The following RARS1 variants were observed in gnomAD, a reference collection of about 807,000 sequenced individuals.
RARS1 encodes the protein arginyl-tRNA synthetase 1.
Under a neutral mutation model 78.7 loss-of-function variants are expected in RARS1, and 75 were observed. That is an observed-to-expected ratio of 0.95 (90% confidence interval 0.79 to 1.15). The LOEUF (loss-of-function observed/expected upper bound fraction) is 1.15. Among genes scored for constraint, RARS1 ranks in the 50% most tolerant of loss-of-function variants. The probability of loss-of-function intolerance (pLI) is 0.00; values close to 1 mark genes in which losing one functional copy is unlikely to be tolerated. For missense variants in RARS1, 787 were observed against 787.5 expected, an observed-to-expected ratio of 1.00 and a Z score of 0.01; for synonymous variants, 273 against 268.2, an observed-to-expected ratio of 1.02 and a Z score of -0.18.
intron 2 of RARS1, among the ~76,000 whole-genome samples, chr5:168,489,812 CTTTTTTTT>C (rs35560247): frequency 7.7e-6 from 1 of 130,320 alleles, no homozygotes; most frequent in Non-Finnish European, 1.6e-5. Flanking sequence ...CTCATATTAT[CTTTTTTTT>C]TTTTTTTTTT....
chr5:168,513,998 C>T (rs1283200865), intron 12 of RARS1, among the ~76,000 whole-genome samples: 1 of 152,128 alleles, frequency 6.6e-6, no homozygotes, highest in Non-Finnish European at 1.5e-5. Flanking sequence ...CTGGAGAGGA[C>T]CAGTGGGGCT....
At chr5:168,504,308 G>A (rs1163859729) in intron 9 of RARS1, among the ~76,000 whole-genome samples, 2 of 151,920 alleles carry the variant, frequency 1.3e-5, no homozygotes, top group African/African-American at 2.4e-5. Context: ...AGCGAATCAC[G>A]AGGACAGGAG....
intron 5 of RARS1, 152 bp downstream of exon 5, chr5:168,494,802 G>GCA: frequency 1.7e-6 from 1 of 580,274 alleles, no homozygotes; most frequent in Non-Finnish European, 3.0e-6. Flanking sequence ...TGCTGTGATC[G>GCA]CACCTGTGAA....
intron 12 of RARS1, among the ~76,000 whole-genome samples, chr5:168,511,320 C>T (rs1195838078): frequency 3.3e-5 from 5 of 151,380 alleles, no homozygotes; most frequent in Non-Finnish European, 5.9e-5. Flanking sequence ...ATGGCACCAA[C>T]ATCAGTTGGC....
At chr5:168,509,962 C>A (rs1758534100) in intron 11 of RARS1, among the ~76,000 whole-genome samples, 1 of 152,088 alleles carries the variant, frequency 6.6e-6, no homozygotes, top group South Asian at 2.1e-4. Flanking sequence ...CAGAGCAAGA[C>A]CCTGTCTCTA....
chr5:168,517,026 T>C (rs1758679646), intron 13 of RARS1, 76 bp downstream of exon 13: 4 of 1,483,036 alleles, frequency 2.7e-6, no homozygotes, highest in Admixed American at 2.0e-5. Flanking sequence ...TTTTCTTTTT[T>C]TTTTTTTGAA....
At position 168,506,036 on chromosome 5, in the gene RARS1, A is replaced by G. The variant is rs769419348; in HGVS notation, c.1073A>G (p.Asp358Gly). ...TACCCCCTAGGATTTGTGCAGGTGG[A>G]TGATGGCAGAAAGATTGTATTTGTC... is the stretch of plus-strand genomic sequence containing the variant. ...EFEDRGFVQV[D>G]DGRKIVFVPG... is the part of the protein sequence containing the mutation. The change falls in exon 10 of 15, where the codon GAT (aspartate) becomes GGT (glycine). Residue 358 changes from aspartate to glycine, a missense_variant. Transcript: ENST00000231572. The G allele has an allele frequency of 6.2e-7, 1 of 1,602,874 alleles. No homozygotes were observed. Among genetic ancestry groups the G allele is most frequent in the Non-Finnish European group, 8.5e-7 (1 of 1,176,130 alleles).
chr5:168,491,483 CA>C (rs1310905589), intron 2 of RARS1, among the ~76,000 whole-genome samples: 1 of 152,088 alleles, frequency 6.6e-6, no homozygotes, highest in African/African-American at 2.4e-5. Context: ...AGAGAGGAGT[CA>C]ATTATTGATT....
intron 4 of RARS1, 55 bp downstream of exon 4, chr5:168,494,057 A>C: frequency 6.8e-7 from 1 of 1,467,526 alleles, no homozygotes; most frequent in Non-Finnish European, 9.4e-7. Context: ...GTCCTTTTTG[A>C]AGTTAAAAAA....
chr5:168,487,828 A>G (rs906342571), intron 1 of RARS1, among the ~76,000 whole-genome samples: 1 of 152,212 alleles, frequency 6.6e-6, no homozygotes, highest in Non-Finnish European at 1.5e-5. Context: ...TCTAGGACCT[A>G]AGACACTGGA....
chr5:168,493,477 C>T (rs575536089), intron 3 of RARS1, among the ~76,000 whole-genome samples: 10 of 151,918 alleles, frequency 6.6e-5, no homozygotes, highest in African/African-American at 2.4e-4. Context: ...TAACTGTAGA[C>T]TTTGTTATGT....
chr5:168,507,687 G>C (rs1014918600), intron 11 of RARS1, among the ~76,000 whole-genome samples: 8 of 152,112 alleles, frequency 5.3e-5, no homozygotes, highest in Non-Finnish European at 4.4e-5. Context: ...GACCTTGTTG[G>C]GAACAACATT....
chr5:168,504,521 CA>C (rs60401511), intron 9 of RARS1, among the ~76,000 whole-genome samples: 17,662 of 100,930 alleles, frequency 0.17, 1,352 homozygotes, highest in Non-Finnish European at 0.24. Context: ...GATTCTGTCT[CA>C]AAAAAAAAAA....
intron 1 of RARS1, among the ~76,000 whole-genome samples, 158 bp downstream of exon 1, chr5:168,486,701 G>C (rs1011195976): frequency 2.6e-5 from 4 of 152,134 alleles, no homozygotes; most frequent in African/African-American, 9.7e-5. Context: ...AGGGTTGAGA[G>C]AGGAAGCACC....
intron 12 of RARS1, among the ~76,000 whole-genome samples, chr5:168,512,509 A>G (rs1470533532): frequency 6.6e-6 from 1 of 152,196 alleles, no homozygotes; most frequent in African/African-American, 2.4e-5. Flanking sequence ...CTAGAGGGAC[A>G]GAACTAATAG....
intron 14 of RARS1, 36 bp downstream of exon 14, chr5:168,518,098 TGA>T: frequency 7.3e-7 from 1 of 1,377,172 alleles, no homozygotes; most frequent in Non-Finnish European, 9.4e-7. Context: ...TTTTTTTTAG[TGA>T]GAGACACGGA....
intron 11 of RARS1, among the ~76,000 whole-genome samples, chr5:168,507,877 CAAA>C (rs1195791208): frequency 3.1e-5 from 3 of 97,300 alleles, no homozygotes; most frequent in South Asian, 3.7e-4. Context: ...CCATATCTGC[CAAA>C]AAAAAAAAAA....
rs1757967689 is a variant in RARS1, at chr5:168,486,550, A to G, written c.45+7A>G. ...CGCGCGGCTGCTGCAGCAGGTTTGG[A>G]CGCAGGAGACCGGCGGGAAGGCCTG... is the stretch of plus-strand genomic sequence containing the variant. On this transcript the variant is annotated splice_region_variant and intron_variant, in intron 1 of 14. Transcript: ENST00000231572. 1.9e-6 allele frequency: 3 copies of G among 1,556,106 alleles called. No individual in the cohort carries two copies. Among genetic ancestry groups the G allele is most frequent in the Non-Finnish European group, 2.6e-6 (3 of 1,149,066 alleles).
In RARS1 at chr5:168,488,184, G is replaced by A. The variant is rs891888317; in HGVS notation, c.46-418G>A. 13 of 384,214 alleles carry A rather than the reference G, an allele frequency of 3.4e-5. No individual in the cohort carries two copies. The Admixed American group carries it at 4.3e-4, about 13-fold the overall frequency. 23.8% of individuals were successfully genotyped at this position (384,214 alleles called of 1,614,324 possible). A position where few individuals can be genotyped will look rare whatever the true frequency, so the allele number is the denominator to read the frequency against. On this transcript the variant is annotated intron_variant, in intron 1 of 14. Coordinates refer to ENST00000231572, the MANE Select transcript of RARS1 (RefSeq NM_002887.4). ...GCTCTGTCAAGCAGACTGGAGTGCAGTGGCACGATCTCGACTCACCGCAAC... is the reference window on the plus strand; with the variant it reads ...GCTCTGTCAAGCAGACTGGAGTGCAATGGCACGATCTCGACTCACCGCAAC...
Sources: gnomAD v4.1 joint callset for allele counts (sites outside exome capture counted in the v4.1 genomes callset) on GRCh38, gnomAD v4.1.1 for gene constraint, MANE v1.5 for transcripts, NCBI Gene and HGNC (gene_info 2026-07-23, HGNC 2026-07-21) for gene names.